ABCA9: variants seen among roughly 807,000 people sequenced by gnomAD.
ABCA9 encodes the protein ATP-binding cassette sub-family A member 9.
A neutral mutation model predicts 205.3 loss-of-function variants in ABCA9; 183 were observed. That is an observed-to-expected ratio of 0.89 (90% CI 0.79 to 1.01). ABCA9 has a LOEUF of 1.01. ABCA9 is among the 50% of genes least tolerant of loss of function. The pLI is 0.00. For missense variants in ABCA9, 1,805 were observed against 1,912.4 expected (o/e 0.94, Z 1.05); for synonymous variants, 651 against 683.3 (o/e 0.95, Z 0.74).
At chr17:69,007,662 A>C in intron 25 of ABCA9, 97 bp downstream of exon 25, 1 of 743,900 alleles carries the variant, frequency 1.3e-6, no homozygotes, top group Non-Finnish European at 2.3e-6. Flanking sequence ...TTTTCTAGAG[A>C]GCAATAATAA....
At chr17:69,066,236 A>G in the ABCA9 span, among the ~76,000 whole-genome samples, 1 of 152,252 alleles carries the variant, frequency 6.6e-6, no homozygotes, top group South Asian at 2.1e-4. Flanking sequence ...CCCACACCAT[A>G]GATTGTAAAC....
intron 25 of ABCA9, among the ~76,000 whole-genome samples, chr17:68,998,467 T>C (rs2069712665): frequency 6.6e-6 from 1 of 152,328 alleles, no homozygotes; most frequent in South Asian, 2.1e-4. Context: ...TTCTCTTTTA[T>C]GATTGGTTTT....
Position 69,049,571 on chromosome 17 carries a change from C to T in ABCA9, c.97-81G>A, listed in dbSNP as rs996498791. The T allele has an allele frequency of 5.2e-6, 6 of 1,143,212 alleles. No individual in the cohort carries two copies. The African/African-American group carries it at 7.9e-5, about 15-fold the overall frequency. The allele number at this position is 1,143,212 out of a possible 1,614,324, so 70.8% of individuals were successfully genotyped here. On this transcript the variant is annotated intron_variant, in intron 2 of 38. Coordinates refer to ENST00000340001, the MANE Select transcript of ABCA9 (RefSeq NM_080283.4). The stretch of plus-strand genomic sequence containing the variant: ...AATCATCCACAAACAGTTTGAAATA[C>T]TTAATTCTGTTATTTGGCTTGCATT...
chr17:69,021,842 A>G lies in ABCA9; in HGVS notation c.2301T>C (p.Asp767=), dbSNP rs1478785200. 28 of 1,548,924 alleles carry G rather than the reference A, an allele frequency of 1.8e-5. No homozygotes were observed. The highest frequency in any genetic ancestry group is 5.4e-5 in the Admixed American group (3 of 55,776). ...NKFPELYRDL[D]RCSNQGIEDY... is the part of the protein sequence containing the mutation. Reference sequence around the variant, plus strand: ...CCTCAATGCCTTGGTTAGAACATCTATCAAGATCCCTGTAAAGTTCTAAAA... The same window carrying G: ...CCTCAATGCCTTGGTTAGAACATCTGTCAAGATCCCTGTAAAGTTCTAAAA... Residue 767 remains aspartate, a synonymous_variant, in exon 18 of 39, where the codon GAT becomes GAC. Coordinates refer to ENST00000340001, the MANE Select transcript of ABCA9 (RefSeq NM_080283.4).
upstream of ABCA9, among the ~76,000 whole-genome samples, chr17:69,064,256 C>T (rs1363026370): frequency 6.6e-6 from 1 of 152,088 alleles, no homozygotes; most frequent in Non-Finnish European, 1.5e-5. Context: ...TCAGGTTCCC[C>T]TTTTCCTTTT....
At chr17:68,986,963 C>T (rs949326586) in intron 31 of ABCA9, among the ~76,000 whole-genome samples, 1 of 152,184 alleles carries the variant, frequency 6.6e-6, no homozygotes, top group Non-Finnish European at 1.5e-5. Context: ...CTGTATCTAG[C>T]CCGTAGGAAC....
intron 30 of ABCA9, among the ~76,000 whole-genome samples, chr17:68,989,379 G>A (rs2069370662): frequency 6.6e-6 from 1 of 151,860 alleles, no homozygotes; most frequent in Non-Finnish European, 1.5e-5. Context: ...ATGTCATACA[G>A]ACAGTAAGAG....
chr17:69,051,949 G>A (rs972010572), intron 1 of ABCA9, among the ~76,000 whole-genome samples: 1 of 152,114 alleles, frequency 6.6e-6, no homozygotes, highest in Non-Finnish European at 1.5e-5. Flanking sequence ...GTGAAAAGTG[G>A]GAATTGGAAA....
intron 8 of ABCA9, among the ~76,000 whole-genome samples, chr17:69,034,480 A>C (rs541505993): frequency 2.0e-4 from 31 of 152,272 alleles, no homozygotes; most frequent in Non-Finnish European, 4.0e-4. Context: ...TTAGCCTCCC[A>C]AAGTGCTATG....
chr17:68,991,023 T>C, intron 28 of ABCA9, 66 bp from the exon 29 acceptor site: 1 of 1,555,782 alleles, frequency 6.4e-7, no homozygotes, highest in Non-Finnish European at 8.7e-7. Flanking sequence ...AATTAATGAA[T>C]TTTCTCTATA....
chr17:69,019,302 C>A (rs1371488519), intron 19 of ABCA9, among the ~76,000 whole-genome samples: 1 of 152,104 alleles, frequency 6.6e-6, no homozygotes, highest in Non-Finnish European at 1.5e-5. Context: ...ATAAAAAATA[C>A]AGTCTTAATA....
chr17:68,989,294 A>ACACC (rs1360251510), intron 30 of ABCA9, among the ~76,000 whole-genome samples, 176 bp from the exon 31 acceptor site: 7 of 146,424 alleles, frequency 4.8e-5, no homozygotes, highest in Non-Finnish European at 7.5e-5. Flanking sequence ...ACACACACAC[A>ACACC]CCCCTGAGCA....
chr17:69,072,479 T>C, the ABCA9 span, among the ~76,000 whole-genome samples: 37 of 152,276 alleles, frequency 2.4e-4, no homozygotes, highest in Non-Finnish European at 1.9e-4. Context: ...ACCCAGAATT[T>C]CATATCCAGC....
At chr17:69,018,293 G>T (rs999504287) in intron 20 of ABCA9, 120 bp downstream of exon 20, 14 of 825,958 alleles carry the variant, frequency 1.7e-5, no homozygotes, top group African/African-American at 1.6e-4. Context: ...TTTCTGTTTG[G>T]CCTCATATAT....
intron 26 of ABCA9, among the ~76,000 whole-genome samples, chr17:68,993,446 A>T (rs943439347): frequency 2.0e-5 from 3 of 152,130 alleles, no homozygotes; most frequent in Non-Finnish European, 2.9e-5. Flanking sequence ...TCCCTCGATT[A>T]TGCCCCCAAG....
Position 69,011,992 on chromosome 17 carries a change from C to T in ABCA9, c.3131G>A (p.Ser1044Asn). The T allele has an allele frequency of 1.2e-6, 2 of 1,611,554 alleles. No homozygotes were observed. Among genetic ancestry groups the T allele is most frequent in the Non-Finnish European group, 1.7e-6 (2 of 1,178,776 alleles). The stretch of plus-strand genomic sequence containing the variant: ...TCTTCTTACTTTGTAGTCACCAATG[C>T]TGCTCATTGCAATGTATGGAGTGAA... Reference protein sequence around the residue: ...ASFTPYIAMSSIGDYKKKAHS... With the variant: ...ASFTPYIAMSNIGDYKKKAHS... Residue 1044 changes from serine (S) to asparagine (N), a missense_variant, in exon 23 of 39, where the codon AGC (serine) becomes AAC (asparagine). Ser to Asn is a conservative substitution (Grantham distance 46). Transcript: ENST00000340001.
intron 32 of ABCA9, among the ~76,000 whole-genome samples, chr17:68,985,699 C>T (rs1455631896): frequency 6.6e-6 from 1 of 152,060 alleles, no homozygotes; most frequent in Non-Finnish European, 1.5e-5. Flanking sequence ...GTGGCTCACA[C>T]CTGTAATCCC....
At chr17:69,014,327 A>G (rs1293540353) in intron 22 of ABCA9, among the ~76,000 whole-genome samples, 2 of 152,174 alleles carry the variant, frequency 1.3e-5, no homozygotes, top group Non-Finnish European at 2.9e-5. Flanking sequence ...GAATAAAAAT[A>G]TCTTCAGGCT....
chr17:69,028,682 A>G, intron 11 of ABCA9, 37 bp from the exon 12 acceptor site: 3 of 1,302,052 alleles, frequency 2.3e-6, no homozygotes, highest in Admixed American at 4.3e-5. Flanking sequence ...CTCAGAGCCT[A>G]CATATTAACT....
Sources: gnomAD v4.1 joint callset for allele counts (sites outside exome capture counted in the v4.1 genomes callset) on GRCh38, gnomAD v4.1.1 for gene constraint, MANE v1.5 for transcripts, NCBI Gene and HGNC (gene_info 2026-07-23, HGNC 2026-07-21) for gene names.